Variants in CEP83 observed in about 807,000 individuals in gnomAD.
The protein encoded by CEP83 is centrosomal protein of 83 kDa.
A neutral mutation model predicts 101.9 loss-of-function variants in CEP83; 70 were observed. The observed-to-expected ratio is 0.69, with a 90% CI of 0.57 to 0.84. The LOEUF is 0.84. Ranked by LOEUF, CEP83 falls within the 40% of genes least tolerant of loss-of-function variation. The pLI, the probability that CEP83 is intolerant of heterozygous loss-of-function variation, is 0.00. For synonymous variants in CEP83, 264 were observed against 267.9 expected (o/e 0.99, Z 0.14); for missense variants, 715 against 787.2 (o/e 0.91, Z 1.10).
chr12:94,353,509 A>C (rs2060297286), intron 11 of CEP83, among the ~76,000 whole-genome samples: 1 of 152,208 alleles, frequency 6.6e-6, no homozygotes. Flanking sequence ...TAAGAGAGCA[A>C]GAAAGAAACA....
At chr12:94,421,517 T>C (rs963725118) in intron 2 of CEP83, among the ~76,000 whole-genome samples, 10 of 152,226 alleles carry the variant, frequency 6.6e-5, no homozygotes, top group Admixed American at 5.2e-4. Context: ...CATGGATATG[T>C]AATATTCATT....
the CEP83 span, chr12:94,300,934 C>T: frequency 1.9e-6 from 3 of 1,612,966 alleles, no homozygotes; most frequent in Non-Finnish European, 2.5e-6. Flanking sequence ...TCTGGGTAAA[C>T]ATCCTGAAGA....
At chr12:94,378,655 T>C (rs1325456675) in intron 7 of CEP83, 136 bp downstream of exon 7, 1 of 930,686 alleles carries the variant, frequency 1.1e-6, no homozygotes, top group East Asian at 2.5e-5. Context: ...ACTAAAAGAA[T>C]AAATACTCTT....
intron 1 of CEP83, among the ~76,000 whole-genome samples, chr12:94,454,307 C>G (rs990372144): frequency 2.0e-5 from 3 of 152,162 alleles, no homozygotes; most frequent in Non-Finnish European, 4.4e-5. Context: ...AGTATTTTCA[C>G]GTGTCCTTCA....
At chr12:94,411,902 A>G (rs2063907298) in intron 3 of CEP83, 55 bp from the exon 4 acceptor site, 1 of 1,406,988 alleles carries the variant, frequency 7.1e-7, no homozygotes, top group Admixed American at 1.8e-5. Context: ...TTCTAATTGC[A>G]TTACTTTATG....
At chr12:94,418,179 T>C (rs1399867620) in intron 2 of CEP83, among the ~76,000 whole-genome samples, 1 of 151,938 alleles carries the variant, frequency 6.6e-6, no homozygotes. Flanking sequence ...CTGGCCAACA[T>C]GGTGAAACCC....
chr12:94,370,062 A>G (rs746958035), intron 8 of CEP83, 26 bp from the exon 9 acceptor site: 2 of 1,318,000 alleles, frequency 1.5e-6, no homozygotes, highest in Admixed American at 1.7e-5. Context: ...AACTGAAATT[A>G]CTATTGGTCA....
chr12:94,320,092 C>T (rs1971391356), intron 14 of CEP83, among the ~76,000 whole-genome samples: 1 of 152,116 alleles, frequency 6.6e-6, no homozygotes, highest in Non-Finnish European at 1.5e-5. Context: ...GAACCCTTTA[C>T]CATTATGTAA....
intron 2 of CEP83, among the ~76,000 whole-genome samples, chr12:94,413,823 C>CAT (rs1364890594): frequency 8.8e-6 from 1 of 113,400 alleles, no homozygotes. Context: ...TCCCATAATA[C>CAT]ATACACACAC....
At chr12:94,344,190 A>G (rs1332075778) in intron 11 of CEP83, among the ~76,000 whole-genome samples, 1 of 152,234 alleles carries the variant, frequency 6.6e-6, no homozygotes, top group African/African-American at 2.4e-5. Flanking sequence ...TTAGCAAACT[A>G]CTACATCTTC....
chr12:94,351,831 G>T (rs866750916), intron 11 of CEP83, among the ~76,000 whole-genome samples: 1 of 152,128 alleles, frequency 6.6e-6, no homozygotes, highest in Non-Finnish European at 1.5e-5. Context: ...AACACCCAAG[G>T]CCTGAGAACT....
chr12:94,421,378 AAAAAGGGACTT>A (rs2064731825), intron 2 of CEP83, among the ~76,000 whole-genome samples: 1 of 152,098 alleles, frequency 6.6e-6, no homozygotes, highest in East Asian at 1.9e-4. Context: ...ACAATTTTTT[AAAAAGGGACTT>A]AGAAGGGAGA....
chr12:94,391,837 T>C (rs1005025041), intron 6 of CEP83, among the ~76,000 whole-genome samples: 2 of 150,006 alleles, frequency 1.3e-5, no homozygotes, highest in East Asian at 1.9e-4. Context: ...GTTGAAATCC[T>C]AGTCTCTGAT....
At chr12:94,422,000 C>T (rs2064790802) in intron 2 of CEP83, among the ~76,000 whole-genome samples, 1 of 152,234 alleles carries the variant, frequency 6.6e-6, no homozygotes, top group East Asian at 1.9e-4. Flanking sequence ...TTAGCCCCCA[C>T]CTTTTGGCCT....
At chr12:94,338,771 ATAG>A (rs1487298097) in intron 11 of CEP83, among the ~76,000 whole-genome samples, 1 of 152,142 alleles carries the variant, frequency 6.6e-6, no homozygotes, top group Non-Finnish European at 1.5e-5. Flanking sequence ...GAAGGCAGAA[ATAG>A]TAGGTGAACT....
chr12:94,450,145 T>C (rs2067141500), intron 1 of CEP83, among the ~76,000 whole-genome samples: 1 of 152,098 alleles, frequency 6.6e-6, no homozygotes, highest in East Asian at 1.9e-4. Context: ...TACTGGAGGG[T>C]CTAACCCAAG....
At chr12:94,371,316 A>G (rs1348340678) in intron 8 of CEP83, among the ~76,000 whole-genome samples, 2 of 152,236 alleles carry the variant, frequency 1.3e-5, no homozygotes, top group African/African-American at 4.8e-5. Context: ...GGAGGGGGGA[A>G]GGAAGAATCA....
At chr12:94,329,249 T>C (rs553246272) in intron 14 of CEP83, among the ~76,000 whole-genome samples, 2 of 152,160 alleles carry the variant, frequency 1.3e-5, no homozygotes, top group East Asian at 3.9e-4. Context: ...CTTTGTAGTG[T>C]TTTGGGGTTT....
At chr12:94,360,795 C>T (rs1176296121) in intron 11 of CEP83, among the ~76,000 whole-genome samples, 1 of 151,850 alleles carries the variant, frequency 6.6e-6, no homozygotes, top group African/African-American at 2.4e-5. Flanking sequence ...AGAGTCAAAG[C>T]AATCCTGTGT....
Sources: gnomAD v4.1 joint callset for allele counts (sites outside exome capture counted in the v4.1 genomes callset) on GRCh38, gnomAD v4.1.1 for gene constraint, MANE v1.5 for transcripts, NCBI Gene and HGNC (gene_info 2026-07-23, HGNC 2026-07-21) for gene names.